Variants in ACYP2 observed in about 807,000 individuals in gnomAD.
ACYP2 encodes the protein acylphosphatase 2.
Under a neutral mutation model 11.2 loss-of-function variants are expected in ACYP2, and 12 were observed. The observed-to-expected ratio is 1.08, with a 90% confidence interval of 0.69 to 1.74. The LOEUF is 1.74. Among genes scored for constraint, ACYP2 ranks in the 40% most tolerant of loss-of-function variants. The pLI is 0.00. For missense variants in ACYP2, 134 were observed against 101.9 expected (o/e 1.31, Z -1.35); for synonymous variants, 43 against 32.2 (o/e 1.33, Z -1.13).
chr2:54,004,894 CAAAAAAAAAAA>C (rs754230632), intron 2 of ACYP2, among the ~76,000 whole-genome samples: 1 of 31,932 alleles, frequency 3.1e-5, no homozygotes, highest in East Asian at 9.2e-4. Flanking sequence ...GACTCTGTCT[CAAAAAAAAAAA>C]AAAAAAAAAA....
chr2:54,108,209 C>G (rs1407186392), intron 4 of ACYP2, among the ~76,000 whole-genome samples: 2 of 152,196 alleles, frequency 1.3e-5, no homozygotes, highest in South Asian at 2.1e-4. Context: ...AATTTTAATT[C>G]TGCTGGTGGA....
intron 1 of ACYP2, among the ~76,000 whole-genome samples, chr2:53,972,744 T>C (rs1042109701): frequency 6.6e-6 from 1 of 152,208 alleles, no homozygotes; most frequent in Non-Finnish European, 1.5e-5. Flanking sequence ...TTCAGCAGAA[T>C]GGCTTGGGCT....
rs116659318 is a variant in ACYP2, at chr2:53,988,584, A to G, written c.62+14774A>G. Reference sequence around the variant, plus strand: ...CCTGGCTATATATATGTATATGTATATAAATATATATGTGTGTATTTTGTA... The same window carrying G: ...CCTGGCTATATATATGTATATGTATGTAAATATATATGTGTGTATTTTGTA... On this transcript the variant is annotated intron_variant, in intron 2 of 6. Transcript: ENST00000607452. 8.5e-3 allele frequency among the ~76,000 whole-genome samples: 1,285 copies of G among 151,846 alleles called. 28 individuals are homozygous for G. Among genetic ancestry groups the G allele is most frequent in the African/African-American group, 0.029 (1,207 of 41,404 alleles).
chr2:54,014,404 C>G (rs557653724), intron 2 of ACYP2, among the ~76,000 whole-genome samples: 17 of 152,166 alleles, frequency 1.1e-4, no homozygotes, highest in Non-Finnish European at 1.6e-4. Context: ...ACTGCAACCT[C>G]CACCTCCCCA....
intron 6 of ACYP2, among the ~76,000 whole-genome samples, chr2:54,209,708 T>TA (rs1270974777): frequency 6.6e-6 from 1 of 152,182 alleles, no homozygotes; most frequent in East Asian, 1.9e-4. Context: ...TAGAGACTGT[T>TA]AAAAAAGGGG....
At chr2:54,302,584 T>G (rs1689768536) in intron 6 of ACYP2, among the ~76,000 whole-genome samples, 1 of 152,228 alleles carries the variant, frequency 6.6e-6, no homozygotes, top group African/African-American at 2.4e-5. Context: ...ACTTTCTATC[T>G]GCTGACAAAT....
intron 6 of ACYP2, among the ~76,000 whole-genome samples, chr2:54,198,163 G>A (rs962782832): frequency 1.3e-5 from 2 of 152,062 alleles, no homozygotes; most frequent in African/African-American, 2.4e-5. Flanking sequence ...GGGATTACAG[G>A]CCTGCGCCAC....
chr2:54,021,298 A>G (rs1673997221), intron 2 of ACYP2, among the ~76,000 whole-genome samples: 1 of 152,166 alleles, frequency 6.6e-6, no homozygotes, highest in South Asian at 2.1e-4. Context: ...GTGAACTACT[A>G]ATTAGAACTG....
chr2:54,098,867 A>G (rs1678736677), intron 4 of ACYP2, among the ~76,000 whole-genome samples: 1 of 152,076 alleles, frequency 6.6e-6, no homozygotes, highest in Non-Finnish European at 1.5e-5. Context: ...AGCTGGAACT[A>G]CAGGCATGCA....
chr2:54,003,657 T>C (rs1157975645), intron 2 of ACYP2, among the ~76,000 whole-genome samples: 5 of 152,186 alleles, frequency 3.3e-5, no homozygotes, highest in African/African-American at 9.7e-5. Context: ...CTTGTTTTTT[T>C]CCCCCAGTTT....
chr2:54,146,472 A>T, intron 6 of ACYP2, among the ~76,000 whole-genome samples: 1 of 146,612 alleles, frequency 6.8e-6, no homozygotes. Flanking sequence ...ACTGGATTTT[A>T]CCCTGTTGGC....
intron 4 of ACYP2, among the ~76,000 whole-genome samples, chr2:54,077,764 C>T (rs935516783): frequency 6.6e-6 from 1 of 152,186 alleles, no homozygotes; most frequent in East Asian, 1.9e-4. Flanking sequence ...AAGGCTGTGA[C>T]TTTCCTAAGG....
At chr2:54,175,815 T>C (rs1404076951) in intron 6 of ACYP2, among the ~76,000 whole-genome samples, 1 of 152,148 alleles carries the variant, frequency 6.6e-6, no homozygotes, top group Non-Finnish European at 1.5e-5. Context: ...GTCCCTACTA[T>C]GGTCTGAATG....
At chr2:54,037,357 C>G (rs796301695) in intron 2 of ACYP2, among the ~76,000 whole-genome samples, 8 of 152,128 alleles carry the variant, frequency 5.3e-5, no homozygotes. Flanking sequence ...TCAAGTGATC[C>G]ACCTGTCTCA....
chr2:54,201,636 CTCTTTCTT>C (rs1553391343), intron 6 of ACYP2, among the ~76,000 whole-genome samples: 126 of 93,694 alleles, frequency 1.3e-3, no homozygotes, highest in Admixed American at 2.8e-3. Flanking sequence ...TTCTTTCTTT[CTCTTTCTT>C]TCTTTCTTTC....
intron 4 of ACYP2, among the ~76,000 whole-genome samples, chr2:54,060,065 A>G (rs1471457235): frequency 6.6e-6 from 1 of 152,168 alleles, no homozygotes; most frequent in East Asian, 1.9e-4. Context: ...TGAGCACTTA[A>G]TGGGACCTTC....
intron 2 of ACYP2, among the ~76,000 whole-genome samples, chr2:54,030,257 C>T (rs904712445): frequency 6.6e-6 from 1 of 152,152 alleles, no homozygotes; most frequent in African/African-American, 2.4e-5. Flanking sequence ...GCCTTAGACT[C>T]TCCAATGAAT....
chr2:54,265,902 A>G (rs748067283), intron 6 of ACYP2, among the ~76,000 whole-genome samples: 1 of 152,168 alleles, frequency 6.6e-6, no homozygotes, highest in Non-Finnish European at 1.5e-5. Context: ...GGCTCTCATT[A>G]TTTTTGCTAT....
intron 6 of ACYP2, among the ~76,000 whole-genome samples, chr2:54,238,039 CTG>C (rs1400386285): frequency 6.6e-6 from 1 of 152,162 alleles, no homozygotes; most frequent in African/African-American, 2.4e-5. Flanking sequence ...GCCTGGAACA[CTG>C]TTTTCAAGAT....
Sources: allele counts gnomAD v4.1 joint callset (sites outside exome capture counted in the v4.1 genomes callset), GRCh38; gene constraint gnomAD v4.1.1; transcripts MANE v1.5; gene names NCBI Gene and HGNC (gene_info 2026-07-23, HGNC 2026-07-21).